The following SLC25A21 variants were observed in gnomAD, a reference collection of about 807,000 sequenced individuals.
SLC25A21 encodes mitochondrial 2-oxodicarboxylate carrier.
Under a neutral mutation model 43.8 loss-of-function variants are expected in SLC25A21, and 47 were observed. The ratio of observed to expected loss-of-function variants is 1.07; its 90% CI spans 0.85 to 1.37. SLC25A21 has a LOEUF of 1.37. SLC25A21 is among the 40% of genes most tolerant of loss of function. SLC25A21 has a pLI of 0.00. For missense variants in SLC25A21, 352 were observed against 350.2 expected, an observed-to-expected ratio of 1.00 and a Z score of -0.04; for synonymous variants, 131 against 121.3, an observed-to-expected ratio of 1.08 and a Z score of -0.52.
At chr14:36,750,324 G>A (rs1885658963) in intron 3 of SLC25A21, among the ~76,000 whole-genome samples, 1 of 152,120 alleles carries the variant, frequency 6.6e-6, no homozygotes, top group African/African-American at 2.4e-5. Context: ...AGACTTCCTA[G>A]GAGTTCTTAT....
chr14:36,684,684 T>G, intron 8 of SLC25A21, 60 bp downstream of exon 8: 1 of 1,480,058 alleles, frequency 6.8e-7, no homozygotes, highest in Non-Finnish European at 9.1e-7. Context: ...GGAAGGACAA[T>G]ACGGTTCTAA....
chr14:37,074,660 C>T (rs1459913646), intron 1 of SLC25A21, among the ~76,000 whole-genome samples: 2 of 151,874 alleles, frequency 1.3e-5, no homozygotes, highest in Non-Finnish European at 2.9e-5. Flanking sequence ...AGTGAAACCC[C>T]GTCTCTACTA....
At chr14:36,750,526 T>A (rs1253493131) in intron 3 of SLC25A21, among the ~76,000 whole-genome samples, 2 of 152,210 alleles carry the variant, frequency 1.3e-5, no homozygotes, top group Admixed American at 1.3e-4. Context: ...AGACATTGTA[T>A]GAGACATGAG....
chr14:36,753,321 G>A (rs1885786086), intron 3 of SLC25A21, among the ~76,000 whole-genome samples: 1 of 152,088 alleles, frequency 6.6e-6, no homozygotes, highest in South Asian at 2.1e-4. Context: ...GGAATGGAAG[G>A]AAGCTACTAA....
At chr14:36,900,392 A>T (rs1476823515) in intron 1 of SLC25A21, among the ~76,000 whole-genome samples, 1 of 152,104 alleles carries the variant, frequency 6.6e-6, no homozygotes, top group Non-Finnish European at 1.5e-5. Flanking sequence ...CAGAGCTTTA[A>T]ATCTCTGCGC....
At chr14:36,781,342 G>C (rs7146894) in intron 3 of SLC25A21, among the ~76,000 whole-genome samples, 6,858 of 152,144 alleles carry the variant, frequency 0.045, 534 homozygotes, top group African/African-American at 0.16. Context: ...AGTAATTATT[G>C]ATAGGAAAGA....
chr14:36,703,299 A>C (rs1883361278), intron 7 of SLC25A21, among the ~76,000 whole-genome samples: 1 of 152,176 alleles, frequency 6.6e-6, no homozygotes, highest in Non-Finnish European at 1.5e-5. Flanking sequence ...TTAGGGGAGG[A>C]TGTAGCTCTC....
chr14:36,851,696 T>C (rs1429519930), intron 2 of SLC25A21, among the ~76,000 whole-genome samples: 2 of 152,216 alleles, frequency 1.3e-5, no homozygotes, highest in African/African-American at 4.8e-5. Context: ...GTCTGGGTAT[T>C]CAAAATGTTG....
At chr14:36,991,284 G>A (rs1960257845) in intron 1 of SLC25A21, among the ~76,000 whole-genome samples, 1 of 152,140 alleles carries the variant, frequency 6.6e-6, no homozygotes, top group African/African-American at 2.4e-5. Context: ...GTGACCACCC[G>A]ATTCAAGGTG....
intron 1 of SLC25A21, among the ~76,000 whole-genome samples, chr14:37,051,144 T>C (rs1961694801): frequency 1.3e-5 from 2 of 152,220 alleles, no homozygotes; most frequent in Admixed American, 6.5e-5. Flanking sequence ...ACTTTGCCTA[T>C]TGTTCACTGT....
chr14:36,995,371 T>C (rs150517935), intron 1 of SLC25A21, among the ~76,000 whole-genome samples: 1 of 152,216 alleles, frequency 6.6e-6, no homozygotes, highest in Non-Finnish European at 1.5e-5. Context: ...ATAATGTTAA[T>C]GCTTTTCTGT....
At chr14:36,884,230 T>C (rs1271037741) in intron 1 of SLC25A21, among the ~76,000 whole-genome samples, 4 of 152,204 alleles carry the variant, frequency 2.6e-5, no homozygotes, top group African/African-American at 9.6e-5. Context: ...AGTGCGATCA[T>C]GCAGTATTTG....
At chr14:36,717,218 C>T (rs145318766) in intron 6 of SLC25A21, among the ~76,000 whole-genome samples, 11 of 152,094 alleles carry the variant, frequency 7.2e-5, no homozygotes, top group Admixed American at 2.6e-4. Flanking sequence ...GAAAAATCTT[C>T]CTTTTATTTG....
chr14:36,875,182 A>G (rs951790875), intron 1 of SLC25A21, among the ~76,000 whole-genome samples, 178 bp from the exon 2 acceptor site: 4 of 152,232 alleles, frequency 2.6e-5, no homozygotes, highest in Non-Finnish European at 5.9e-5. Context: ...TTTTATTTCA[A>G]TGGAAGTAAG....
chr14:36,701,176 A>G (rs1206270578), intron 7 of SLC25A21, among the ~76,000 whole-genome samples: 1 of 152,180 alleles, frequency 6.6e-6, no homozygotes, highest in Non-Finnish European at 1.5e-5. Context: ...GTATCCTGCT[A>G]TTTTGTCCCC....
intron 2 of SLC25A21, among the ~76,000 whole-genome samples, chr14:36,852,337 C>A (rs1240446780): frequency 6.6e-6 from 1 of 152,180 alleles, no homozygotes; most frequent in African/African-American, 2.4e-5. Flanking sequence ...CTTTTCTTAA[C>A]TATACCATTG....
At chr14:36,683,071 G>A (rs1882355881) in intron 9 of SLC25A21, among the ~76,000 whole-genome samples, 2 of 152,188 alleles carry the variant, frequency 1.3e-5, no homozygotes, top group Admixed American at 6.5e-5. Context: ...GTATAAGTAG[G>A]TGAGTGTAGC....
chr14:36,705,732 A>T (rs930698867), intron 7 of SLC25A21, among the ~76,000 whole-genome samples: 8 of 152,154 alleles, frequency 5.3e-5, no homozygotes, highest in Admixed American at 1.3e-4. Flanking sequence ...GATTTTTTTT[A>T]AATTAAAGAA....
intron 1 of SLC25A21, among the ~76,000 whole-genome samples, chr14:37,040,908 A>G (rs1961457943): frequency 6.6e-6 from 1 of 152,000 alleles, no homozygotes. Flanking sequence ...AAGTGAAAGT[A>G]GCTTTGAGGA....
Sources: allele counts gnomAD v4.1 joint callset (sites outside exome capture counted in the v4.1 genomes callset), GRCh38; gene constraint gnomAD v4.1.1; transcripts MANE v1.5; gene names NCBI Gene and HGNC (gene_info 2026-07-23, HGNC 2026-07-21).